The following WDFY4 variants were observed in gnomAD, a reference collection of about 807,000 sequenced individuals.
WDFY4 encodes the protein WD repeat- and FYVE domain-containing protein 4.
A neutral mutation model predicts 351.9 loss-of-function variants in WDFY4; 169 were observed. That is an observed-to-expected ratio of 0.48 (90% CI 0.42 to 0.55). WDFY4 has a LOEUF of 0.55. WDFY4 is among the 20% of genes least tolerant of loss of function. The pLI, the probability that WDFY4 is intolerant of heterozygous loss-of-function variation, is 0.00. For missense variants in WDFY4, 3,803 were observed against 3,935.6 expected (o/e 0.97, Z 0.90); for synonymous variants, 1,622 against 1,574.6 (o/e 1.03, Z -0.71).
intron 47 of WDFY4, among the ~76,000 whole-genome samples, chr10:48,930,944 G>T (rs1839959828): frequency 6.6e-6 from 1 of 152,112 alleles, no homozygotes; most frequent in African/African-American, 2.4e-5. Flanking sequence ...AAGAATATCA[G>T]CAACACTGCT....
intron 12 of WDFY4, among the ~76,000 whole-genome samples, chr10:48,757,558 A>C (rs1279080826): frequency 6.6e-6 from 1 of 152,038 alleles, no homozygotes; most frequent in Non-Finnish European, 1.5e-5. Context: ...CCATTCTGAC[A>C]ATAGTGTCTA....
intron 43 of WDFY4, among the ~76,000 whole-genome samples, chr10:48,884,725 G>GTT: frequency 6.6e-6 from 1 of 152,156 alleles, no homozygotes; most frequent in African/African-American, 2.4e-5. Context: ...CTCCTCCCCT[G>GTT]TTTTTTTATC....
At chr10:48,792,014 T>G (rs2132754224) in intron 23 of WDFY4, among the ~76,000 whole-genome samples, 1 of 152,246 alleles carries the variant, frequency 6.6e-6, no homozygotes, top group South Asian at 2.1e-4. Flanking sequence ...ACCGATACCA[T>G]ATCCCAAACT....
At chr10:48,952,791 T>G (rs1339140681) in intron 51 of WDFY4, among the ~76,000 whole-genome samples, 1 of 152,180 alleles carries the variant, frequency 6.6e-6, no homozygotes, top group Non-Finnish European at 1.5e-5. Context: ...CCGTCCTCTG[T>G]GAGAGCAAGA....
In WDFY4 at chr10:48,861,621, T is replaced by G. The variant is rs1184210689; in HGVS notation, c.6664-5644T>G. On this transcript the variant is annotated intron_variant, in intron 39 of 61. Transcript: ENST00000325239. ...GTTTCTCTCTTCCTGTGTTTAGGAT[T>G]TTTTTCTTTGTGTTAGTTTTCAGAA... Among the ~76,000 whole-genome samples the G allele has an allele frequency of 2.0e-5, 3 of 152,304 alleles. No homozygotes were observed. In the East Asian group the frequency reaches 5.8e-4, roughly 29 times the overall value.
intron 6 of WDFY4, among the ~76,000 whole-genome samples, chr10:48,726,474 T>C (rs1404761697): frequency 3.3e-5 from 5 of 152,326 alleles, no homozygotes; most frequent in East Asian, 1.9e-4. Flanking sequence ...GCTATTCACC[T>C]AGTTAGGAAG....
At chr10:48,757,868 C>CT (rs2065382586) in intron 12 of WDFY4, among the ~76,000 whole-genome samples, 1 of 151,994 alleles carries the variant, frequency 6.6e-6, no homozygotes. Flanking sequence ...TTATAGAAAG[C>CT]TTACCTCTAC....
chr10:48,749,163 T>A (rs140050962), intron 12 of WDFY4, among the ~76,000 whole-genome samples: 2 of 152,328 alleles, frequency 1.3e-5, no homozygotes, highest in African/African-American at 2.4e-5. Flanking sequence ...TTAGTCTTTA[T>A]GGTAACTATA....
At position 48,907,790 on chromosome 10, in the gene WDFY4, C is replaced by T. The variant is rs1417047083; in HGVS notation, c.7586+5927C>T. 2.0e-5 allele frequency among the ~76,000 whole-genome samples: 3 copies of T among 152,192 alleles called. No individual in the cohort carries two copies. The East Asian group carries it at 5.8e-4, about 29-fold the overall frequency. ...GCTTAACTAGTAAAGGTAGTGCTGG[C>T]TCCACCACTGAGTAGAGAAGCATGG... On this transcript the variant is annotated intron_variant, in intron 47 of 61. Transcript: ENST00000325239.
intron 12 of WDFY4, among the ~76,000 whole-genome samples, chr10:48,748,666 A>T (rs1819477004): frequency 6.6e-6 from 1 of 152,208 alleles, no homozygotes; most frequent in Non-Finnish European, 1.5e-5. Context: ...TATAAGACCC[A>T]TGTTTCATAA....
chr10:48,735,177 T>C (rs1048541977), intron 10 of WDFY4, among the ~76,000 whole-genome samples: 1 of 152,152 alleles, frequency 6.6e-6, no homozygotes, highest in African/African-American at 2.4e-5. Context: ...TCTGCTCAAA[T>C]CTCCATCAAG....
intron 51 of WDFY4, among the ~76,000 whole-genome samples, chr10:48,948,485 C>A (rs1841165082): frequency 6.6e-6 from 1 of 152,176 alleles, no homozygotes; most frequent in African/African-American, 2.4e-5. Flanking sequence ...TTTCCTGTTG[C>A]CCCTTCAGGA....
chr10:48,837,887 C>T (rs775539698), intron 39 of WDFY4, among the ~76,000 whole-genome samples: 7 of 152,174 alleles, frequency 4.6e-5, no homozygotes, highest in Non-Finnish European at 1.0e-4. Context: ...GCCAGGCAGG[C>T]CCCATCAGAG....
Position 48,832,581 on chromosome 10 carries a change from A to G in WDFY4, c.6535A>G (p.Lys2179Glu), listed in dbSNP as rs1199040787. The G allele has an allele frequency of 1.9e-6, 3 of 1,546,030 alleles. No homozygotes were observed. Among genetic ancestry groups the G allele is most frequent in the African/African-American group, 2.7e-5 (2 of 72,944 alleles). The part of the protein sequence containing the change: ...KAWQHYLASE[K>E]KSLASRSNVA... Reference sequence around the variant, plus strand: ...TGCTTCCCTTCCCTCAGCATCTGAGAAGAAGTCACTGGCAAGTCGTTCAAA... The same window carrying G: ...TGCTTCCCTTCCCTCAGCATCTGAGGAGAAGTCACTGGCAAGTCGTTCAAA... The change falls in exon 39 of 62, where the codon AAG becomes GAG. Residue 2179 changes from lysine to glutamate, a missense_variant. Physicochemically the swap from Lys to Glu is moderately conservative, Grantham distance 56. Around this residue, in one of 3 missense-constraint regions of WDFY4, gnomAD observed 3,054 missense variants for 3,148.6 expected, o/e 0.97. Transcript: ENST00000325239.
At chr10:48,873,999 A>G (rs1321133408) in intron 41 of WDFY4, among the ~76,000 whole-genome samples, 2 of 152,186 alleles carry the variant, frequency 1.3e-5, no homozygotes, top group African/African-American at 2.4e-5. Flanking sequence ...CAGTCCACAC[A>G]AGTCCTGTGG....
intron 1 of WDFY4, among the ~76,000 whole-genome samples, chr10:48,686,953 A>G (rs1010080312): frequency 6.6e-6 from 1 of 152,150 alleles, no homozygotes; most frequent in Non-Finnish European, 1.5e-5. Flanking sequence ...GTTGTTTTCC[A>G]AAGTTTTTGC....
At chr10:48,917,212 A>T (rs1315170635) in intron 47 of WDFY4, among the ~76,000 whole-genome samples, 1 of 152,188 alleles carries the variant, frequency 6.6e-6, no homozygotes, top group Non-Finnish European at 1.5e-5. Flanking sequence ...CTAAGGATGT[A>T]TTTCTCAGAA....
intron 39 of WDFY4, among the ~76,000 whole-genome samples, chr10:48,845,230 A>C (rs1337791189): frequency 6.6e-6 from 1 of 152,080 alleles, no homozygotes; most frequent in Non-Finnish European, 1.5e-5. Flanking sequence ...CTATAACTCT[A>C]TATCTGTGGC....
chr10:48,938,900 GATGTCCCCTGT>G (rs1564512555), intron 47 of WDFY4, among the ~76,000 whole-genome samples: 1 of 152,188 alleles, frequency 6.6e-6, no homozygotes, highest in Non-Finnish European at 1.5e-5. Flanking sequence ...GGGTTGATGT[GATGTCCCCTGT>G]ATGTCCGCCT....
Sources: allele counts gnomAD v4.1 joint callset (sites outside exome capture counted in the v4.1 genomes callset), GRCh38; gene constraint gnomAD v4.1.1; regional missense constraint gnomAD v4.1.1; transcripts MANE v1.5; gene names NCBI Gene and HGNC (gene_info 2026-07-23, HGNC 2026-07-21).